CEP70: variants seen among roughly 807,000 people sequenced by gnomAD.
CEP70 encodes the protein centrosomal protein 70.
CEP70 carries 70 observed loss-of-function variants against 90.9 expected under a neutral mutation model. That is an observed-to-expected ratio of 0.77 (90% CI 0.64 to 0.94). The LOEUF is 0.94. Among genes scored for constraint, CEP70 ranks in the 40% least tolerant of loss-of-function variants. CEP70 has a pLI of 0.00. For synonymous variants in CEP70, 220 were observed against 228.3 expected (o/e 0.96, Z 0.33); for missense variants, 648 against 669.0 (o/e 0.97, Z 0.35).
rs538664855 is a variant in CEP70, at chr3:138,559,202, G to A, written c.465+11116C>T. On this transcript the variant is annotated intron_variant, in intron 6 of 17. Transcript: ENST00000264982. The stretch of plus-strand genomic sequence containing the variant: ...ATAAAGTATCAAAAGACAAAAGGAA[G>A]AAACATAAAGAATAAACATGAAAGA... 1.3e-4 allele frequency among the ~76,000 whole-genome samples: 20 copies of A among 152,074 alleles called. No homozygotes were observed. In the South Asian group the frequency reaches 3.9e-3, roughly 30 times the overall value.
intron 11 of CEP70, among the ~76,000 whole-genome samples, chr3:138,521,699 C>T (rs982308803): frequency 1.3e-4 from 18 of 141,224 alleles, no homozygotes; most frequent in South Asian, 2.4e-4. Context: ...CGCCCCGTCT[C>T]GGGGGGTGGG....
Position 138,505,310 on chromosome 3 carries a change from T to C in CEP70, c.1206A>G (p.Gln402=). The C allele has an allele frequency of 6.2e-7, 1 of 1,608,928 alleles. No homozygotes were observed. Among genetic ancestry groups the C allele is most frequent in the Non-Finnish European group, 8.5e-7 (1 of 1,177,796 alleles). The change falls in exon 13 of 18, where the codon CAA becomes CAG. Residue 402 remains glutamine, a synonymous_variant. Coordinates refer to ENST00000264982, the MANE Select transcript of CEP70 (RefSeq NM_024491.4). ...LVPVIEMWAD[Q]LTSLKDLYKS... ...AACCCCTTACCTTTAAGGATGTCAG[T>C]TGATCTGCCCACATTTCTATTACAG...
chr3:138,529,429 T>C lies in CEP70; in HGVS notation c.726A>G (p.Glu242=). Residue 242 remains glutamate (E), a synonymous_variant, in exon 9 of 18, where the codon GAA becomes GAG. Transcript: ENST00000264982. ...QYKEDESQSE[E]ENDYRNLDAS... ...CATCCAGATTTCTGTAGTCGTTTTC[T>C]TCTTCTGACTGACTTTCATCTTCTT... 3.7e-6 allele frequency: 6 copies of C among 1,611,614 alleles called. No individual in the cohort carries two copies. The highest frequency in any genetic ancestry group is 1.7e-5 in the Admixed American group (1 of 59,804).
At chr3:138,557,266 C>T (rs1424760269) in intron 6 of CEP70, among the ~76,000 whole-genome samples, 4 of 152,140 alleles carry the variant, frequency 2.6e-5, no homozygotes, top group Non-Finnish European at 5.9e-5. Flanking sequence ...TTATCCTGTT[C>T]TTTTTTCAAG....
At chr3:138,585,941 G>A (rs1394874429) in intron 2 of CEP70, among the ~76,000 whole-genome samples, 2 of 152,050 alleles carry the variant, frequency 1.3e-5, no homozygotes, top group African/African-American at 2.4e-5. Flanking sequence ...CAAAAAAATT[G>A]GGGAAACTCT....
rs1350548325 is a variant in CEP70, at chr3:138,539,630, GAAGAAAA to G, written c.466-2290_466-2284del. On this transcript the variant is annotated intron_variant, in intron 6 of 17. Coordinates refer to ENST00000264982, the MANE Select transcript of CEP70 (RefSeq NM_024491.4). ...GACAGGCTACTTGAATATAAACAGAGAAGAAAAAAGAAAAAAGAATACCTACAAAATA... is the reference window on the plus strand; with the variant it reads ...GACAGGCTACTTGAATATAAACAGAGAAGAAAAAAGAATACCTACAAAATA... Among the ~76,000 whole-genome samples, 4 of 151,658 alleles carry G rather than the reference GAAGAAAA, an allele frequency of 2.6e-5. 1 individual carries two copies. Among genetic ancestry groups the G allele is most frequent in the African/African-American group, 7.3e-5 (3 of 41,268 alleles).
At chr3:138,524,545 T>C (rs937076302) in intron 11 of CEP70, among the ~76,000 whole-genome samples, 4 of 151,934 alleles carry the variant, frequency 2.6e-5, no homozygotes, top group African/African-American at 9.7e-5. Context: ...GAATCTACAA[T>C]GAACTCAAAC....
chr3:138,517,346 T>C (rs941065435), intron 11 of CEP70, among the ~76,000 whole-genome samples: 6 of 152,022 alleles, frequency 3.9e-5, no homozygotes, highest in African/African-American at 1.5e-4. Context: ...AAGCCACTAG[T>C]AGGTAGCATA....
chr3:138,556,356 C>T (rs1375365625), intron 6 of CEP70, among the ~76,000 whole-genome samples: 1 of 151,798 alleles, frequency 6.6e-6, no homozygotes, highest in African/African-American at 2.4e-5. Context: ...GGTGAAACCC[C>T]ATCTCTACTA....
chr3:138,500,300 T>G (rs1436675615), intron 15 of CEP70, 76 bp from the exon 16 acceptor site: 54 of 1,497,826 alleles, frequency 3.6e-5, no homozygotes, highest in Non-Finnish European at 4.6e-5. Context: ...TATGCTTCAG[T>G]TATCCTCAAT....
intron 10 of CEP70, among the ~76,000 whole-genome samples, chr3:138,526,926 CATAA>C (rs947915186): frequency 4.7e-4 from 71 of 152,082 alleles, no homozygotes; most frequent in African/African-American, 1.6e-3. Flanking sequence ...CTTTGTGCCT[CATAA>C]ATATATACAG....
chr3:138,567,140 C>T (rs903298407), intron 6 of CEP70, among the ~76,000 whole-genome samples: 2 of 152,096 alleles, frequency 1.3e-5, no homozygotes, highest in African/African-American at 4.8e-5. Flanking sequence ...TAGCCCATGC[C>T]AACTGAATTG....
intron 12 of CEP70, among the ~76,000 whole-genome samples, chr3:138,508,104 T>C (rs987471690): frequency 2.6e-5 from 4 of 151,810 alleles, no homozygotes; most frequent in African/African-American, 7.3e-5. Flanking sequence ...CCTAAGAAAA[T>C]AGATTTACTT....
In CEP70 at chr3:138,529,246, A is replaced by G. The variant is rs769473344; in HGVS notation, c.822T>C (p.Asp274=). 6.2e-7 allele frequency: 1 copy of G among 1,610,130 alleles called. No individual in the cohort carries two copies. Among genetic ancestry groups the G allele is most frequent in the Non-Finnish European group, 8.5e-7 (1 of 1,178,324 alleles). Reference sequence around the variant, plus strand: ...GGTTCAGCTTTTCACTTGAAAGTGCATCAATCTTAGATTTTGATTCCTTGA... The same window carrying G: ...GGTTCAGCTTTTCACTTGAAAGTGCGTCAATCTTAGATTTTGATTCCTTGA... ...NQLKESKSKI[D]ALSSEKLNLQ... is the part of the protein sequence containing the mutation. The change falls in exon 10 of 18, where the codon GAT becomes GAC. Residue 274 remains aspartate (D), a synonymous_variant. Coordinates refer to ENST00000264982, the MANE Select transcript of CEP70 (RefSeq NM_024491.4).
In CEP70 at chr3:138,525,522, C is replaced by A. The variant is rs779140224; in HGVS notation, c.912G>T (p.Lys304Asn). 5 of 1,422,786 alleles carry A rather than the reference C, an allele frequency of 3.5e-6. 1 individual carries two copies. The South Asian group carries it at 9.7e-5, about 28-fold the overall frequency. The allele number at this position is 1,422,786 out of a possible 1,614,324, so 88.1% of individuals were successfully genotyped here. The change falls in exon 11 of 18, where the codon AAG (lysine) becomes AAT (asparagine). Residue 304 changes from lysine (K) to asparagine (N), a missense_variant. Coordinates refer to ENST00000264982, the MANE Select transcript of CEP70 (RefSeq NM_024491.4). Reference protein sequence around the residue: ...HELRLYKQQVKKLEKALKKNV... With the variant: ...HELRLYKQQVNKLEKALKKNV... ...TTTTCTTAAGGGCTTTTTCCAGCTT[C>A]TTCACCTGCTGTTTATAAAGTCTTA...
chr3:138,518,784 T>C (rs1239675034), intron 11 of CEP70, among the ~76,000 whole-genome samples: 1 of 152,034 alleles, frequency 6.6e-6, no homozygotes, highest in East Asian at 1.9e-4. Context: ...CCTCTCCTCC[T>C]CCAAAGCAAT....
intron 5 of CEP70, 40 bp downstream of exon 5, chr3:138,570,994 C>A: frequency 6.7e-7 from 1 of 1,486,468 alleles, no homozygotes; most frequent in South Asian, 1.4e-5. Context: ...TTTTAGAACG[C>A]ATACAAACAA....
chr3:138,527,365 T>C (rs1222932071), intron 10 of CEP70, among the ~76,000 whole-genome samples: 1 of 151,386 alleles, frequency 6.6e-6, no homozygotes, highest in African/African-American at 2.4e-5. Flanking sequence ...GCTTCATGAA[T>C]TTGCGTGTCA....
chr3:138,529,254 T>C lies in CEP70; in HGVS notation c.814A>G (p.Lys272Glu). 1 of 1,610,016 alleles carries C rather than the reference T, an allele frequency of 6.2e-7. No homozygotes were observed. Among genetic ancestry groups the C allele is most frequent in the Non-Finnish European group, 8.5e-7 (1 of 1,178,016 alleles). Reference sequence around the variant, plus strand: ...TTTTCACTTGAAAGTGCATCAATCTTAGATTTTGATTCCTTGAGTTGATTC... The same window carrying C: ...TTTTCACTTGAAAGTGCATCAATCTCAGATTTTGATTCCTTGAGTTGATTC... Reference protein sequence around the residue: ...LQNQLKESKSKIDALSSEKLN... With the variant: ...LQNQLKESKSEIDALSSEKLN... Residue 272 changes from lysine to glutamate, a missense_variant, in exon 10 of 18, where the codon AAG becomes GAG. Physicochemically the swap from Lys to Glu is moderately conservative, Grantham distance 56. Transcript: ENST00000264982.
Sources: allele counts gnomAD v4.1 joint callset (sites outside exome capture counted in the v4.1 genomes callset), GRCh38; gene constraint gnomAD v4.1.1; transcripts MANE v1.5; gene names NCBI Gene and HGNC (gene_info 2026-07-23, HGNC 2026-07-21).